Variants in HM13 observed in about 807,000 individuals in gnomAD.
HM13 encodes signal peptide peptidase.
HM13 carries 18 observed loss-of-function variants against 50.0 expected under a neutral mutation model. The ratio of observed to expected loss-of-function variants is 0.36; its 90% CI spans 0.25 to 0.53. The LOEUF (loss-of-function observed/expected upper bound fraction) is 0.53, where lower values mean the gene tolerates loss of function less well. Among genes scored for constraint, HM13 ranks in the 20% least tolerant of loss-of-function variants. The pLI, the probability that HM13 is intolerant of heterozygous loss-of-function variation, is 0.90. For synonymous variants in HM13, 197 were observed against 232.6 expected, an observed-to-expected ratio of 0.85 and a Z score of 1.39; for missense variants, 393 against 552.4, an observed-to-expected ratio of 0.71 and a Z score of 2.89.
intron 3 of HM13, chr20:31,539,727 G>A (rs566098631): frequency 1.3e-5 from 2 of 155,096 alleles, no homozygotes; most frequent in East Asian, 1.9e-4. Context: ...CCTGGGAGGC[G>A]GAGGTTGCAG....
At chr20:31,545,702 A>G (rs534817874) in intron 4 of HM13, among the ~76,000 whole-genome samples, 27 of 152,324 alleles carry the variant, frequency 1.8e-4, no homozygotes, top group African/African-American at 5.3e-4. Flanking sequence ...AAGATTATCA[A>G]TGCTTGACCA....
intron 8 of HM13, among the ~76,000 whole-genome samples, chr20:31,557,580 G>GA (rs1452847411): frequency 6.6e-6 from 1 of 152,132 alleles, no homozygotes; most frequent in Non-Finnish European, 1.5e-5. Context: ...CTTGATTCCA[G>GA]AATAACTGCA....
chr20:31,547,761 CA>C, intron 4 of HM13: 5 of 978,462 alleles, frequency 5.1e-6, no homozygotes, highest in Non-Finnish European at 6.5e-6. Context: ...GGTTGCTTCA[CA>C]AATACCCTTT....
chr20:31,569,134 A>C lies in HM13; in HGVS notation c.1196A>C (p.Asn399Thr). The C allele has an allele frequency of 1.3e-6, 2 of 1,580,518 alleles. No homozygotes were observed. Among genetic ancestry groups the C allele is most frequent in the Non-Finnish European group, 1.7e-6 (2 of 1,162,146 alleles). ...QNPSAIYEES[N>T]PKDPAAVTES... ...TTTTTGGTCAGTTATGAGGAGTCAA[A>C]TCCTAAGGATCCAGCGGCAGTGACA... Residue 399 changes from asparagine to threonine, a missense_variant, in exon 13 of 13, where the codon AAT (asparagine) becomes ACT (threonine). By Grantham distance (65) the Asn-to-Thr change is moderately conservative. Transcript: ENST00000398174.
At chr20:31,551,501 T>C (rs1387989095) in intron 7 of HM13, among the ~76,000 whole-genome samples, 9 of 152,308 alleles carry the variant, frequency 5.9e-5, no homozygotes, top group Non-Finnish European at 1.3e-4. Flanking sequence ...GCCAAAACTG[T>C]GTCACAGGCC....
At chr20:31,537,447 A>G (rs773432325) in intron 2 of HM13, among the ~76,000 whole-genome samples, 3 of 152,226 alleles carry the variant, frequency 2.0e-5, no homozygotes, top group African/African-American at 4.8e-5. Flanking sequence ...CAGGTTCCCT[A>G]TACCCCACAC....
chr20:31,564,077 GA>G (rs200736979), intron 10 of HM13: 3,299 of 125,960 alleles, frequency 0.026, 88 homozygotes, highest in African/African-American at 0.074. Context: ...CTCTGTCTCA[GA>G]AAAAAAAAAA....
intron 10 of HM13, chr20:31,562,422 CTG>C (rs1289132434): frequency 6.5e-6 from 1 of 152,772 alleles, no homozygotes; most frequent in Admixed American, 6.5e-5. Flanking sequence ...GGTGGGGAAA[CTG>C]GAGTTCAGGT....
chr20:31,559,670 C>T, intron 9 of HM13, 23 bp downstream of exon 9: 1 of 1,613,174 alleles, frequency 6.2e-7, no homozygotes, highest in South Asian at 1.1e-5. Flanking sequence ...GGGCCTGCCC[C>T]AGCATGGGCT....
intron 7 of HM13, among the ~76,000 whole-genome samples, chr20:31,551,263 TG>T (rs1208012328): frequency 6.6e-6 from 1 of 152,104 alleles, no homozygotes; most frequent in Non-Finnish European, 1.5e-5. Context: ...AGTGAGTTAA[TG>T]ACCCTCTCTT....
At chr20:31,536,636 C>T (rs1010646897) in intron 2 of HM13, among the ~76,000 whole-genome samples, 10 of 152,134 alleles carry the variant, frequency 6.6e-5, no homozygotes, top group Non-Finnish European at 8.8e-5. Flanking sequence ...TCCCTTTTCC[C>T]GCCCAGCCTA....
intron 3 of HM13, among the ~76,000 whole-genome samples, chr20:31,542,787 C>T (rs988485156): frequency 2.6e-5 from 4 of 152,172 alleles, no homozygotes; most frequent in Non-Finnish European, 5.9e-5. Context: ...GCCAAGTGCT[C>T]ATTTAATCCT....
chr20:31,546,465 C>A (rs1337032146), intron 4 of HM13, among the ~76,000 whole-genome samples: 1 of 151,180 alleles, frequency 6.6e-6, no homozygotes, highest in Non-Finnish European at 1.5e-5. Context: ...TTTTTAAAGA[C>A]TGAGCTTGGG....
chr20:31,547,541 A>G (rs1983798508), intron 4 of HM13: 2 of 893,394 alleles, frequency 2.2e-6, no homozygotes, highest in African/African-American at 1.7e-5. Flanking sequence ...AGTGTGTCCA[A>G]CTGCATCCAG....
rs1329642077 is a variant in HM13, at chr20:31,514,476, T to C, written c.-76T>C. The C allele has an allele frequency of 6.7e-7, 1 of 1,493,204 alleles. No individual in the cohort carries two copies. 92.5% of individuals were successfully genotyped at this position (1,493,204 alleles called of 1,614,324 possible). On this transcript the variant is annotated 5_prime_UTR_variant, in exon 1 of 13. Transcript: ENST00000398174. This position sits in a 1 kb window ranked among gnomAD's most constrained non-coding sequence, Gnocchi z 4.3. The stretch of plus-strand genomic sequence containing the variant: ...TGCCTTAGGGGAACGTGGCTTTCCC[T>C]GCAGAGCCGGTGTCTCCGCCTGCGT...
intron 2 of HM13, among the ~76,000 whole-genome samples, chr20:31,530,646 T>C (rs1982761947): frequency 6.6e-6 from 1 of 152,112 alleles, no homozygotes; most frequent in African/African-American, 2.4e-5. Context: ...CTTGACCTTG[T>C]GATCCGCCTT....
At chr20:31,539,170 C>T in intron 3 of HM13, 1 of 985,460 alleles carries the variant, frequency 1.0e-6, no homozygotes, top group Non-Finnish European at 1.2e-6. Flanking sequence ...CAGGCCAGTT[C>T]TCCATTCTGC....
rs1329642077 is a variant in HM13, at chr20:31,514,476, T to G, written c.-76T>G. ...TGCCTTAGGGGAACGTGGCTTTCCCTGCAGAGCCGGTGTCTCCGCCTGCGT... is the reference window on the plus strand; with the variant it reads ...TGCCTTAGGGGAACGTGGCTTTCCCGGCAGAGCCGGTGTCTCCGCCTGCGT... On this transcript the variant is annotated 5_prime_UTR_variant, in exon 1 of 13. Coordinates refer to ENST00000398174, the MANE Select transcript of HM13 (RefSeq NM_178581.3). This position sits in a 1 kb window ranked among gnomAD's most constrained non-coding sequence, Gnocchi z 4.3. 2 of 1,493,322 alleles carry G rather than the reference T, an allele frequency of 1.3e-6. No individual in the cohort carries two copies. Among genetic ancestry groups the G allele is most frequent in the Non-Finnish European group, 1.8e-6 (2 of 1,102,462 alleles). The allele number at this position is 1,493,322 out of a possible 1,614,324, so 92.5% of individuals were successfully genotyped here.
chr20:31,559,765 C>A, intron 9 of HM13, 118 bp downstream of exon 9: 3 of 925,916 alleles, frequency 3.2e-6, no homozygotes, highest in Non-Finnish European at 3.5e-6. Flanking sequence ...GCAGCCAGAG[C>A]AATTCTGATT....
Sources: gnomAD v4.1 joint callset for allele counts (sites outside exome capture counted in the v4.1 genomes callset) on GRCh38, gnomAD v4.1.1 for gene constraint, Gnocchi (gnomAD v3.1) non-coding constraint, MANE v1.5 for transcripts, NCBI Gene and HGNC (gene_info 2026-07-23, HGNC 2026-07-21) for gene names.